Variants in LYPD6 observed in about 807,000 individuals in gnomAD.
LYPD6 encodes the protein ly6/PLAUR domain-containing protein 6.
LYPD6 carries 15 observed loss-of-function variants against 22.7 expected under a neutral mutation model. The ratio of observed to expected loss-of-function variants is 0.66; its 90% CI spans 0.44 to 1.02. The LOEUF (loss-of-function observed/expected upper bound fraction) is 1.02. LYPD6 is among the 50% of genes least tolerant of loss of function. The probability of loss-of-function intolerance (pLI) is 0.00; values close to 1 mark genes in which losing one functional copy is unlikely to be tolerated. For synonymous variants in LYPD6, 72 were observed against 77.5 expected (o/e 0.93, Z 0.37); for missense variants, 189 against 208.4 (o/e 0.91, Z 0.57).
chr2:149,377,313 A>G (rs1396226742), intron 1 of LYPD6, among the ~76,000 whole-genome samples: 2 of 92,372 alleles, frequency 2.2e-5, no homozygotes, highest in African/African-American at 8.2e-5. Flanking sequence ...TAATCACTGG[A>G]AAAAAAAAAA....
intron 1 of LYPD6, among the ~76,000 whole-genome samples, chr2:149,432,938 TG>T (rs1409276302): frequency 6.6e-6 from 1 of 152,222 alleles, no homozygotes; most frequent in Non-Finnish European, 1.5e-5. Context: ...CTTTGAAAAA[TG>T]TTATTAAAAG....
chr2:149,397,962 G>T (rs571174807), intron 1 of LYPD6, among the ~76,000 whole-genome samples: 3 of 152,174 alleles, frequency 2.0e-5, no homozygotes, highest in Admixed American at 1.3e-4. Context: ...TCTCTGTGCT[G>T]ATGATTATTT....
At chr2:149,440,567 C>G (rs1683539641) in intron 2 of LYPD6, 1 of 152,072 alleles carries the variant, frequency 6.6e-6, no homozygotes, top group African/African-American at 2.4e-5. Flanking sequence ...ACCAGCAGAT[C>G]AGGGTCCAAG....
intron 1 of LYPD6, among the ~76,000 whole-genome samples, chr2:149,394,426 A>G (rs1682382445): frequency 6.6e-6 from 1 of 152,200 alleles, no homozygotes; most frequent in African/African-American, 2.4e-5. Context: ...TTAACACCTC[A>G]AAATATAATA....
intron 1 of LYPD6, among the ~76,000 whole-genome samples, chr2:149,386,387 A>T (rs1464444934): frequency 6.6e-6 from 1 of 152,176 alleles, no homozygotes; most frequent in Non-Finnish European, 1.5e-5. Flanking sequence ...TCTGCCTCTT[A>T]CCAGTCTCAT....
At chr2:149,338,113 C>T (rs1681073580) in intron 1 of LYPD6, among the ~76,000 whole-genome samples, 1 of 152,150 alleles carries the variant, frequency 6.6e-6, no homozygotes, top group South Asian at 2.1e-4. Context: ...TTGCAACGAA[C>T]ATACACATTC....
Position 149,411,297 on chromosome 2 carries a change from T to C in LYPD6, c.-71-26341T>C, listed in dbSNP as rs141014939. Among the ~76,000 whole-genome samples, 528 of 152,186 alleles carry C rather than the reference T, an allele frequency of 3.5e-3. 2 individuals are homozygous for C. Among genetic ancestry groups the C allele is most frequent in the African/African-American group, 0.012 (495 of 41,522 alleles). ...CAGAATTCATCATCTGGTAAAAATG[T>C]GTGTGTATTTTTTTTTTTTATAAAC... On this transcript the variant is annotated intron_variant, in intron 1 of 4. Transcript: ENST00000334166.
At chr2:149,390,692 G>C (rs996078649) in intron 1 of LYPD6, among the ~76,000 whole-genome samples, 1 of 151,992 alleles carries the variant, frequency 6.6e-6, no homozygotes, top group Non-Finnish European at 1.5e-5. Context: ...TTCTATCTTA[G>C]TATTATGACT....
intron 2 of LYPD6, among the ~76,000 whole-genome samples, chr2:149,445,239 G>A (rs1331436483): frequency 6.6e-6 from 1 of 152,182 alleles, no homozygotes; most frequent in Non-Finnish European, 1.5e-5. Context: ...AAATAAATGT[G>A]CTGTCATCCA....
chr2:149,374,644 C>A (rs1043451654), intron 1 of LYPD6, among the ~76,000 whole-genome samples: 1 of 152,174 alleles, frequency 6.6e-6, no homozygotes, highest in African/African-American at 2.4e-5. Context: ...CTTATTCTTG[C>A]ATTTAGGAGG....
At chr2:149,437,263 T>G (rs1683453512) in intron 1 of LYPD6, among the ~76,000 whole-genome samples, 1 of 152,202 alleles carries the variant, frequency 6.6e-6, no homozygotes. Flanking sequence ...ACTCCCTATC[T>G]GACCTGCACC....
intron 1 of LYPD6, among the ~76,000 whole-genome samples, chr2:149,426,657 G>GT (rs1683194094): frequency 6.6e-6 from 1 of 152,176 alleles, no homozygotes; most frequent in South Asian, 2.1e-4. Context: ...GGAAGTAGCA[G>GT]TTTTTTGCTG....
At chr2:149,479,118 A>T (rs1323655731), downstream of LYPD6, among the ~76,000 whole-genome samples, 1 of 152,136 alleles carries the variant, frequency 6.6e-6, no homozygotes, top group Non-Finnish European at 1.5e-5. Flanking sequence ...CCCAACAGTC[A>T]CTTCTCAGTC....
chr2:149,400,667 A>G (rs1401546727), intron 1 of LYPD6, among the ~76,000 whole-genome samples: 1 of 152,210 alleles, frequency 6.6e-6, no homozygotes, highest in African/African-American at 2.4e-5. Flanking sequence ...TTATAACAGC[A>G]TTTTACAAAA....
intron 1 of LYPD6, among the ~76,000 whole-genome samples, chr2:149,356,147 CA>C (rs1681444884): frequency 6.6e-6 from 1 of 151,188 alleles, no homozygotes; most frequent in Non-Finnish European, 1.5e-5. Context: ...AACAAGTATG[CA>C]AACAAGGTGG....
chr2:149,418,796 C>T (rs1683019353), intron 1 of LYPD6, among the ~76,000 whole-genome samples: 1 of 152,200 alleles, frequency 6.6e-6, no homozygotes, highest in Non-Finnish European at 1.5e-5. Flanking sequence ...CTTTATACTT[C>T]TTAAAACCTA....
At chr2:149,456,669 A>G (rs566663341) in intron 3 of LYPD6, among the ~76,000 whole-genome samples, 27 of 152,350 alleles carry the variant, frequency 1.8e-4, no homozygotes, top group Admixed American at 7.2e-4. Context: ...TGAAGACACA[A>G]GGAAAAGACT....
intron 1 of LYPD6, among the ~76,000 whole-genome samples, chr2:149,332,170 G>C (rs1304770518): frequency 6.6e-6 from 1 of 152,226 alleles, no homozygotes; most frequent in Non-Finnish European, 1.5e-5. Context: ...AAAGGCACCA[G>C]ACTGAAATAA....
intron 1 of LYPD6, among the ~76,000 whole-genome samples, chr2:149,369,410 C>A (rs546705826): frequency 6.6e-6 from 1 of 152,090 alleles, no homozygotes; most frequent in Non-Finnish European, 1.5e-5. Context: ...GGGTGACATA[C>A]CCACAGCTCC....
Sources: allele counts gnomAD v4.1 joint callset (sites outside exome capture counted in the v4.1 genomes callset), GRCh38; gene constraint gnomAD v4.1.1; transcripts MANE v1.5; gene names NCBI Gene and HGNC (gene_info 2026-07-23, HGNC 2026-07-21).